The following CNOT1 variants were observed in gnomAD, a reference collection of about 807,000 sequenced individuals.
The protein encoded by CNOT1 is CCR4-NOT transcription complex subunit 1.
A neutral mutation model predicts 273.8 loss-of-function variants in CNOT1; 15 were observed. The observed-to-expected ratio is 0.05, with a 90% CI of 0.04 to 0.08. CNOT1 has a LOEUF of 0.08. CNOT1 is among the 10% of genes least tolerant of loss of function. The pLI is 1.00. For synonymous variants in CNOT1, 1,022 were observed against 1,005.5 expected, an observed-to-expected ratio of 1.02 and a Z score of -0.31; for missense variants, 1,644 against 2,912.2, an observed-to-expected ratio of 0.56 and a Z score of 10.02.
At chr16:58,544,221 T>G (rs561220069) in intron 30 of CNOT1, among the ~76,000 whole-genome samples, 1 of 152,160 alleles carries the variant, frequency 6.6e-6, no homozygotes, top group Non-Finnish European at 1.5e-5. Context: ...GCTCAAGTGC[T>G]CTTAAAAGAA....
intron 1 of CNOT1, among the ~76,000 whole-genome samples, chr16:58,623,689 T>C (rs1207272658): frequency 1.3e-5 from 2 of 152,068 alleles, no homozygotes; most frequent in Non-Finnish European, 2.9e-5. Context: ...AATAAACTCT[T>C]GAACCTAAGT....
At chr16:58,585,889 G>A (rs2041816997) in intron 7 of CNOT1, among the ~76,000 whole-genome samples, 1 of 152,084 alleles carries the variant, frequency 6.6e-6, no homozygotes, top group African/African-American at 2.4e-5. Context: ...TTTCCCATTA[G>A]TGAGAATGTT....
At chr16:58,627,403 CAAAAAAAAAAAAA>C (rs754338444) in intron 1 of CNOT1, among the ~76,000 whole-genome samples, 1 of 65,164 alleles carries the variant, frequency 1.5e-5, no homozygotes, top group Non-Finnish European at 2.6e-5. Flanking sequence ...GACTCCATCT[CAAAAAAAAAAAAA>C]AAAAAAAAGT....
At position 58,586,560 on chromosome 16, in the gene CNOT1, T is replaced by G. The variant is rs750430533; in HGVS notation, c.622A>C (p.Lys208Gln). 1.1e-5 allele frequency: 18 copies of G among 1,610,964 alleles called. No homozygotes were observed. The highest frequency in any genetic ancestry group is 1.4e-5 in the Non-Finnish European group (16 of 1,179,376). Residue 208 changes from lysine (K) to glutamine (Q), a missense_variant, in exon 7 of 49, where the codon AAG (lysine) becomes CAG (glutamine). Lys to Gln is a moderately conservative substitution (Grantham distance 53). Coordinates refer to ENST00000317147, the MANE Select transcript of CNOT1 (RefSeq NM_016284.5). Reference sequence around the variant, plus strand: ...ACTCCCTTACCTCTGCGCAGCGTCTTAAGAAAAGCGTCTATCTGTTCTTGT... The same window carrying G: ...ACTCCCTTACCTCTGCGCAGCGTCTGAAGAAAAGCGTCTATCTGTTCTTGT... ...VGQEQIDAFL[K>Q]TLRRDFPQER...
intron 16 of CNOT1, among the ~76,000 whole-genome samples, chr16:58,571,156 G>A (rs991666163): frequency 6.6e-6 from 1 of 152,028 alleles, no homozygotes; most frequent in African/African-American, 2.4e-5. Context: ...ACCACCATAA[G>A]AGAACTATAA....
intron 1 of CNOT1, among the ~76,000 whole-genome samples, chr16:58,609,893 A>G (rs2042831518): frequency 6.6e-6 from 1 of 150,922 alleles, no homozygotes; most frequent in African/African-American, 2.4e-5. Context: ...ATATATAATA[A>G]TACATTAACA....
intron 1 of CNOT1, among the ~76,000 whole-genome samples, chr16:58,607,849 A>C (rs188349533): frequency 1.4e-3 from 216 of 152,134 alleles, no homozygotes; most frequent in Non-Finnish European, 1.9e-3. Flanking sequence ...TTGATTTCTG[A>C]GCCACGTAAA....
intron 1 of CNOT1, among the ~76,000 whole-genome samples, chr16:58,608,647 A>G (rs942636945): frequency 1.1e-5 from 1 of 91,006 alleles, no homozygotes; most frequent in African/African-American, 5.2e-5. Flanking sequence ...AAATTATTAT[A>G]CAAAAAAGAT....
In CNOT1 at chr16:58,582,894, C is replaced by G. The variant is rs1454275946; in HGVS notation, c.943G>C (p.Ala315Pro). ...TDGIPLQSIS[A>P]PGSGIWSDGK... ...TCACTCCAGATCCCACTGCCCGGAGCAGAAATACTCTGTAGAAGTAAAACT... is the reference window on the plus strand; with the variant it reads ...TCACTCCAGATCCCACTGCCCGGAGGAGAAATACTCTGTAGAAGTAAAACT... Residue 315 changes from alanine to proline, a missense_variant, in exon 10 of 49, where the codon GCT becomes CCT. By Grantham distance (27) the Ala-to-Pro change is conservative. Transcript: ENST00000317147. The G allele has an allele frequency of 6.2e-7, 1 of 1,612,374 alleles. No homozygotes were observed. The highest frequency in any genetic ancestry group is 8.5e-7 in the Non-Finnish European group (1 of 1,178,646).
chr16:58,536,909 G>A lies in CNOT1; in HGVS notation c.5646+80C>T, dbSNP rs1253925009. 5.8e-6 allele frequency: 9 copies of A among 1,552,792 alleles called. No individual in the cohort carries two copies. In the East Asian group the frequency reaches 6.8e-5, roughly 12 times the overall value. Reference sequence around the variant, plus strand: ...GAGGTAACTGTCTGACCACATGTACGCAATACTGAGCTTTAATATTGGAGG... The same window carrying A: ...GAGGTAACTGTCTGACCACATGTACACAATACTGAGCTTTAATATTGGAGG... On this transcript the variant is annotated intron_variant, in intron 39 of 48. Transcript: ENST00000317147.
At chr16:58,561,897 G>T (rs150042921) in intron 16 of CNOT1, among the ~76,000 whole-genome samples, 3 of 152,072 alleles carry the variant, frequency 2.0e-5, no homozygotes, top group Non-Finnish European at 4.4e-5. Flanking sequence ...TACTCGGGCC[G>T]GGTGCGGTGG....
intron 25 of CNOT1, among the ~76,000 whole-genome samples, chr16:58,549,096 C>T (rs1338788402): frequency 6.6e-6 from 1 of 152,046 alleles, no homozygotes; most frequent in African/African-American, 2.4e-5. Context: ...CGGGACCAGC[C>T]TGGCCAATAT....
At chr16:58,528,685 A>C (rs994567152) in intron 43 of CNOT1, 37 bp from the exon 44 acceptor site, 13 of 1,455,562 alleles carry the variant, frequency 8.9e-6, no homozygotes, top group Non-Finnish European at 1.2e-5. Context: ...TTCCACACTA[A>C]GGAAAATGGA....
At chr16:58,556,708 T>G in intron 19 of CNOT1, 139 bp downstream of exon 19, 1 of 1,384,652 alleles carries the variant, frequency 7.2e-7, no homozygotes, top group Non-Finnish European at 9.4e-7. Flanking sequence ...CCTCTAACTT[T>G]TAATAATTCA....
intron 3 of CNOT1, among the ~76,000 whole-genome samples, chr16:58,588,598 C>T (rs2041952161): frequency 1.3e-5 from 2 of 152,088 alleles, no homozygotes; most frequent in South Asian, 4.2e-4. Context: ...CTCTCTAAAC[C>T]TGAACTAGGT....
chr16:58,582,041 T>C (rs1427392156), intron 10 of CNOT1, among the ~76,000 whole-genome samples: 1 of 149,102 alleles, frequency 6.7e-6, no homozygotes, highest in Non-Finnish European at 1.5e-5. Context: ...CACAGCACTT[T>C]GGAAGGAGGG....
At chr16:58,525,895 A>G (rs2151894306) in intron 45 of CNOT1, 94 bp downstream of exon 45, 1 of 1,049,028 alleles carries the variant, frequency 9.5e-7, no homozygotes, top group Non-Finnish European at 1.4e-6. Flanking sequence ...AATGACAATA[A>G]AAGACTAACT....
chr16:58,599,118 G>C, intron 2 of CNOT1, 118 bp downstream of exon 2: 1 of 1,137,080 alleles, frequency 8.8e-7, no homozygotes. Context: ...GAAATCACTT[G>C]AATTAAGGGG....
chr16:58,537,314 C>CTCTGGTGGTTG, intron 38 of CNOT1, 94 bp from the exon 39 acceptor site: 1 of 1,486,238 alleles, frequency 6.7e-7, no homozygotes, highest in Non-Finnish European at 8.9e-7. Context: ...ACAGCAACCA[C>CTCTGGTGGTTG]CAGAGTGGTT....
Sources: allele counts gnomAD v4.1 joint callset (sites outside exome capture counted in the v4.1 genomes callset), GRCh38; gene constraint gnomAD v4.1.1; transcripts MANE v1.5; gene names NCBI Gene and HGNC (gene_info 2026-07-23, HGNC 2026-07-21).